CCDC171: variants seen among roughly 807,000 people sequenced by gnomAD.
The protein encoded by CCDC171 is coiled-coil domain-containing protein 171.
Under a neutral mutation model 168.2 loss-of-function variants are expected in CCDC171, and 177 were observed. That is an observed-to-expected ratio of 1.05 (90% CI 0.93 to 1.19). The LOEUF is 1.19. Ranked by LOEUF, CCDC171 falls within the 50% of genes most tolerant of loss-of-function variation. CCDC171 has a pLI of 0.00. For synonymous variants in CCDC171, 687 were observed against 540.8 expected, an observed-to-expected ratio of 1.27 and a Z score of -3.75; for missense variants, 1,991 against 1,539.0, an observed-to-expected ratio of 1.29 and a Z score of -4.91.
intron 20 of CCDC171, among the ~76,000 whole-genome samples, chr9:15,781,096 A>G (rs1309636796): frequency 5.9e-5 from 9 of 152,354 alleles, no homozygotes; most frequent in African/African-American, 2.2e-4. Context: ...TGGCTTTTGT[A>G]AAAACTGGAA....
chr9:15,689,383 C>T (rs1026302218), intron 10 of CCDC171, among the ~76,000 whole-genome samples: 1 of 152,006 alleles, frequency 6.6e-6, no homozygotes, highest in Non-Finnish European at 1.5e-5. Flanking sequence ...TGTCTTTTTG[C>T]AGAAATTGAC....
rs1370555491 is a variant in CCDC171 at position 15,744,707 on chromosome 9, GGA to G, written c.2488_2489del (p.Ser830PhefsTer19). 1 of 1,613,940 alleles carries G rather than the reference GGA, an allele frequency of 6.2e-7. No individual in the cohort carries two copies. Among genetic ancestry groups the G allele is most frequent in the Non-Finnish European group, 8.5e-7 (1 of 1,179,984 alleles). On this transcript the variant is annotated frameshift_variant, in exon 17 of 26. Coordinates refer to ENST00000380701, the MANE Select transcript of CCDC171 (RefSeq NM_173550.4). LOFTEE classifies it high-confidence loss of function. ...QSCASLFTWM[E>X]SFKEGIGMLV... ...CATGTGCCTCTCTTTTTACCTGGATGGAGAGTTTCAAAGAAGGCATAGGCATG... is the reference window on the plus strand; with the variant it reads ...CATGTGCCTCTCTTTTTACCTGGATGGAGTTTCAAAGAAGGCATAGGCATG...
At chr9:15,987,806 G>A (rs1347836739) in intron 3 of CCDC171, among the ~76,000 whole-genome samples, 1 of 152,056 alleles carries the variant, frequency 6.6e-6, no homozygotes, top group African/African-American at 2.4e-5. Context: ...AGATATCTTG[G>A]GGATGGGACC....
chr9:15,822,832 TGGGTATATACCCAA>T (rs1443377059), intron 21 of CCDC171, among the ~76,000 whole-genome samples: 2 of 152,190 alleles, frequency 1.3e-5, no homozygotes, highest in Non-Finnish European at 2.9e-5. Context: ...ATCGCATTGC[TGGGTATATACCCAA>T]AGGATTATAA....
intron 3 of CCDC171, among the ~76,000 whole-genome samples, chr9:16,009,179 C>G (rs1317814628): frequency 6.6e-6 from 1 of 152,116 alleles, no homozygotes; most frequent in African/African-American, 2.4e-5. Flanking sequence ...ATGGGTTTTA[C>G]TTTGTAGAAC....
At chr9:15,786,700 A>G (rs917370024) in intron 21 of CCDC171, among the ~76,000 whole-genome samples, 1 of 152,118 alleles carries the variant, frequency 6.6e-6, no homozygotes, top group African/African-American at 2.4e-5. Flanking sequence ...CCACAAAAGA[A>G]GTGAAACAGC....
intron 9 of CCDC171, among the ~76,000 whole-genome samples, chr9:15,677,879 C>CATATATATATAT (rs71325929): frequency 2.4e-4 from 3 of 12,482 alleles, no homozygotes; most frequent in African/African-American, 6.8e-4. Context: ...GTGTGTGTGT[C>CATATATATATAT]ATATATATAT....
At chr9:15,768,581 A>G (rs563071059) in intron 18 of CCDC171, among the ~76,000 whole-genome samples, 1 of 152,318 alleles carries the variant, frequency 6.6e-6, no homozygotes, top group Admixed American at 6.5e-5. Flanking sequence ...GCATCAGTAT[A>G]TTGTAGAATA....
At chr9:15,758,680 A>G (rs2056274501) in intron 18 of CCDC171, among the ~76,000 whole-genome samples, 1 of 152,114 alleles carries the variant, frequency 6.6e-6, no homozygotes, top group Non-Finnish European at 1.5e-5. Context: ...GTACTCCCAT[A>G]TTTCCCATGT....
chr9:15,582,880 A>G (rs1438116430), intron 4 of CCDC171, among the ~76,000 whole-genome samples: 1 of 151,706 alleles, frequency 6.6e-6, no homozygotes, highest in South Asian at 2.1e-4. Flanking sequence ...ATGTATACCT[A>G]TGTAACAAAC....
chr9:16,010,528 C>T (rs1333909271), intron 3 of CCDC171, among the ~76,000 whole-genome samples: 4 of 152,106 alleles, frequency 2.6e-5, no homozygotes, highest in Non-Finnish European at 5.9e-5. Context: ...CGCTCCCCCT[C>T]AGTGCTTCCA....
At position 15,801,212 on chromosome 9, in the gene CCDC171, A is replaced by G. The variant is rs576381790; in HGVS notation, c.3267+16518A>G. On this transcript the variant is annotated intron_variant, in intron 21 of 25. Transcript: ENST00000380701. ...GTAGATTCCTTTCGGTAGTATGGACATTTTAACAATATTGATTCTTTCAAT... is the reference window on the plus strand; with the variant it reads ...GTAGATTCCTTTCGGTAGTATGGACGTTTTAACAATATTGATTCTTTCAAT... Among the ~76,000 whole-genome samples, 25 of 152,096 alleles carry G rather than the reference A, an allele frequency of 1.6e-4. No homozygotes were observed. The East Asian group carries it at 4.6e-3, about 28-fold the overall frequency.
intron 16 of CCDC171, among the ~76,000 whole-genome samples, chr9:15,734,979 A>C (rs2054394891): frequency 1.3e-5 from 2 of 152,222 alleles, no homozygotes. Flanking sequence ...ATTGTAAAGA[A>C]GCAATTAGTA....
At chr9:15,745,372 A>G (rs1167802486) in intron 17 of CCDC171, 143 bp from the exon 18 acceptor site, 9 of 450,820 alleles carry the variant, frequency 2.0e-5, no homozygotes, top group South Asian at 6.2e-5. Flanking sequence ...CTAATCTAAC[A>G]TTTAATAGAT....
intron 18 of CCDC171, among the ~76,000 whole-genome samples, chr9:15,746,478 C>A (rs926102795): frequency 6.6e-6 from 1 of 152,256 alleles, no homozygotes; most frequent in Non-Finnish European, 1.5e-5. Context: ...ATTGGCAGAA[C>A]CTCAAGATAC....
rs569223118 is a variant in CCDC171 at position 15,636,590 on chromosome 9, A to G, written c.822+13177A>G. 2.3e-4 allele frequency among the ~76,000 whole-genome samples: 35 copies of G among 151,924 alleles called. No homozygotes were observed. The South Asian group carries it at 7.3e-3, about 32-fold the overall frequency. On this transcript the variant is annotated intron_variant, in intron 7 of 25. Coordinates refer to ENST00000380701, the MANE Select transcript of CCDC171 (RefSeq NM_173550.4). Reference sequence around the variant, plus strand: ...ATGGTGAAATATCATCCCTACAAAAAATACAAAACTTAGCCAAACATGGTG... The same window carrying G: ...ATGGTGAAATATCATCCCTACAAAAGATACAAAACTTAGCCAAACATGGTG...
chr9:15,842,440 A>T (rs2060719100), intron 21 of CCDC171, among the ~76,000 whole-genome samples: 1 of 152,078 alleles, frequency 6.6e-6, no homozygotes, highest in East Asian at 1.9e-4. Flanking sequence ...ATTCCAATTC[A>T]GGGAATTCAT....
chr9:15,704,470 C>A (rs1194803392), intron 11 of CCDC171, among the ~76,000 whole-genome samples: 1 of 152,196 alleles, frequency 6.6e-6, no homozygotes, highest in East Asian at 1.9e-4. Context: ...CTTTTTGTCT[C>A]TTGACATACC....
At chr9:15,898,613 G>C (rs1821224414) in intron 24 of CCDC171, among the ~76,000 whole-genome samples, 2 of 151,974 alleles carry the variant, frequency 1.3e-5, no homozygotes, top group South Asian at 4.1e-4. Flanking sequence ...TTGTTTATTT[G>C]TTTCTAAAAT....
Sources: gnomAD v4.1 joint callset for allele counts (sites outside exome capture counted in the v4.1 genomes callset) on GRCh38, gnomAD v4.1.1 for gene constraint, MANE v1.5 for transcripts, NCBI Gene and HGNC (gene_info 2026-07-23, HGNC 2026-07-21) for gene names.